SMYD3: variants seen among roughly 807,000 people sequenced by gnomAD.
SMYD3 encodes the protein histone-lysine N-methyltransferase SMYD3.
In SMYD3, 36 loss-of-function variants were observed where a neutral mutation model predicts 57.7. That is an observed-to-expected ratio of 0.62 (90% CI 0.48 to 0.82). The LOEUF (loss-of-function observed/expected upper bound fraction) is 0.82. Ranked by LOEUF, SMYD3 falls within the 40% of genes least tolerant of loss-of-function variation. SMYD3 has a pLI of 0.00. For synonymous variants in SMYD3, 211 were observed against 195.0 expected (o/e 1.08, Z -0.68); for missense variants, 515 against 538.8 (o/e 0.96, Z 0.44).
At chr1:245,767,443 T>C (rs2046164347) in intron 10 of SMYD3, among the ~76,000 whole-genome samples, 3 of 152,166 alleles carry the variant, frequency 2.0e-5, no homozygotes, top group Admixed American at 2.0e-4. Context: ...TAGAAAGGCA[T>C]GTGACAGCCA....
chr1:246,339,154 T>C (rs2065590168), intron 2 of SMYD3, among the ~76,000 whole-genome samples: 1 of 152,176 alleles, frequency 6.6e-6, no homozygotes, highest in South Asian at 2.1e-4. Context: ...TTTACCTAAA[T>C]TACTCAATTA....
chr1:246,497,687 T>TAA (rs75736784), intron 1 of SMYD3, among the ~76,000 whole-genome samples: 1 of 151,580 alleles, frequency 6.6e-6, no homozygotes, highest in Non-Finnish European at 1.5e-5. Context: ...ATCTCATCTC[T>TAA]AAAAAAAAAT....
At chr1:245,907,847 T>C (rs2054678247) in intron 8 of SMYD3, among the ~76,000 whole-genome samples, 1 of 152,082 alleles carries the variant, frequency 6.6e-6, no homozygotes, top group Non-Finnish European at 1.5e-5. Flanking sequence ...AGATTAAAAG[T>C]GAAGGGATGG....
At chr1:245,948,984 C>T (rs1572766556) in intron 5 of SMYD3, among the ~76,000 whole-genome samples, 1 of 152,310 alleles carries the variant, frequency 6.6e-6, no homozygotes, top group South Asian at 2.1e-4. Flanking sequence ...TGAGGATGGG[C>T]CTGCCCGACC....
At chr1:245,942,027 C>G (rs913913891) in intron 5 of SMYD3, among the ~76,000 whole-genome samples, 1 of 152,180 alleles carries the variant, frequency 6.6e-6, no homozygotes, top group African/African-American at 2.4e-5. Context: ...CAGAAACACA[C>G]TGAAGTACAC....
intron 2 of SMYD3, among the ~76,000 whole-genome samples, chr1:246,337,602 G>C (rs1012518706): frequency 6.6e-6 from 1 of 152,090 alleles, no homozygotes; most frequent in South Asian, 2.1e-4. Context: ...AGGCAGGAAC[G>C]GATAACATAG....
chr1:246,408,936 T>C (rs2066914951), intron 1 of SMYD3, among the ~76,000 whole-genome samples: 1 of 152,136 alleles, frequency 6.6e-6, no homozygotes, highest in Non-Finnish European at 1.5e-5. Flanking sequence ...TCCCAAAGTG[T>C]TGGGATTACA....
intron 10 of SMYD3, among the ~76,000 whole-genome samples, chr1:245,817,238 C>A (rs915861450): frequency 7.0e-6 from 1 of 143,354 alleles, no homozygotes; most frequent in Non-Finnish European, 1.5e-5. Flanking sequence ...GGTCCCTGAC[C>A]CCTGACCCCC....
chr1:246,354,948 C>T, intron 2 of SMYD3, 83 bp downstream of exon 2: 1 of 1,240,754 alleles, frequency 8.1e-7, no homozygotes, highest in Non-Finnish European at 1.2e-6. Context: ...AAGAAGTAGA[C>T]ACAGGCCAAC....
chr1:246,354,918 A>T (rs1057292981), intron 2 of SMYD3, 113 bp downstream of exon 2: 6 of 913,538 alleles, frequency 6.6e-6, no homozygotes, highest in Middle Eastern at 2.2e-4. Flanking sequence ...ATAACAAGTA[A>T]AAGTAAATTA....
At chr1:246,468,499 G>C (rs2067912733) in intron 1 of SMYD3, among the ~76,000 whole-genome samples, 1 of 151,952 alleles carries the variant, frequency 6.6e-6, no homozygotes, top group Admixed American at 6.6e-5. Context: ...AAATTAGCCA[G>C]GTATGGTGGC....
chr1:246,253,541 C>T (rs987717581), intron 5 of SMYD3, among the ~76,000 whole-genome samples: 1 of 152,188 alleles, frequency 6.6e-6, no homozygotes, highest in African/African-American at 2.4e-5. Flanking sequence ...TAGGATGATA[C>T]CACATCTCTG....
chr1:245,776,735 A>G (rs1041072310), intron 10 of SMYD3, among the ~76,000 whole-genome samples: 1 of 152,216 alleles, frequency 6.6e-6, no homozygotes, highest in Non-Finnish European at 1.5e-5. Flanking sequence ...GAAGATTTTC[A>G]AAGAAAAAAT....
chr1:245,950,935 T>A (rs1479818086), intron 5 of SMYD3, among the ~76,000 whole-genome samples: 1 of 152,190 alleles, frequency 6.6e-6, no homozygotes, highest in East Asian at 1.9e-4. Context: ...AAACTGGGGA[T>A]GGATTTCACA....
intron 5 of SMYD3, among the ~76,000 whole-genome samples, chr1:246,190,411 C>T (rs2062714671): frequency 6.6e-6 from 1 of 151,824 alleles, no homozygotes; most frequent in African/African-American, 2.4e-5. Context: ...ATGGTGAAAC[C>T]CCGTCTCTAC....
At chr1:246,507,006 A>ACCCCC in intron 1 of SMYD3, 48 bp downstream of exon 1, 2 of 989,828 alleles carry the variant, frequency 2.0e-6, no homozygotes, top group Non-Finnish European at 2.7e-6. Flanking sequence ...CCTCCCCAGC[A>ACCCCC]CCCCACACAG....
intron 1 of SMYD3, among the ~76,000 whole-genome samples, chr1:246,493,360 T>A (rs900905845): frequency 1.4e-4 from 21 of 152,012 alleles, no homozygotes; most frequent in African/African-American, 4.8e-4. Flanking sequence ...AGCAAATACA[T>A]AAATGGTTTC....
At chr1:245,850,134 A>G (rs574734093) in intron 10 of SMYD3, among the ~76,000 whole-genome samples, 3 of 152,320 alleles carry the variant, frequency 2.0e-5, no homozygotes, top group East Asian at 3.9e-4. Context: ...GAGAAATGCA[A>G]GTGGAATCAT....
chr1:246,482,773 C>T (rs1167545419), intron 1 of SMYD3, among the ~76,000 whole-genome samples: 1 of 152,150 alleles, frequency 6.6e-6, no homozygotes, highest in Admixed American at 6.6e-5. Context: ...ACAAAGTGCT[C>T]CAGTTTCAGA....
Sources: allele counts gnomAD v4.1 joint callset (sites outside exome capture counted in the v4.1 genomes callset), GRCh38; gene constraint gnomAD v4.1.1; transcripts MANE v1.5; gene names NCBI Gene and HGNC (gene_info 2026-07-23, HGNC 2026-07-21).